The following GREB1L variants were observed in gnomAD, a reference collection of about 807,000 sequenced individuals.
GREB1L encodes GREB1 like retinoic acid receptor coactivator.
In GREB1L, 17 loss-of-function variants were observed where a neutral mutation model predicts 200.8. The ratio of observed to expected loss-of-function variants is 0.08; its 90% CI spans 0.06 to 0.13. The LOEUF is 0.13. Ranked by LOEUF, GREB1L falls within the 10% of genes least tolerant of loss-of-function variation. GREB1L has a pLI of 1.00. For synonymous variants in GREB1L, 789 were observed against 893.0 expected, an observed-to-expected ratio of 0.88 and a Z score of 2.08; for missense variants, 1,657 against 2,367.7, an observed-to-expected ratio of 0.70 and a Z score of 6.23.
chr18:21,286,726 G>C (rs1261084667), intron 1 of GREB1L, among the ~76,000 whole-genome samples: 6 of 152,204 alleles, frequency 3.9e-5, no homozygotes, highest in Non-Finnish European at 7.4e-5. Context: ...GGAGTGCAGT[G>C]ACCTCAAGTG....
intron 7 of GREB1L, among the ~76,000 whole-genome samples, chr18:21,420,264 C>T (rs949226188): frequency 4.8e-4 from 72 of 151,158 alleles, no homozygotes; most frequent in African/African-American, 1.6e-3. Flanking sequence ...CCCAGCTACT[C>T]GGGAGGCTGA....
intron 1 of GREB1L, among the ~76,000 whole-genome samples, chr18:21,260,973 T>TA (rs1467077423): frequency 6.6e-6 from 1 of 151,980 alleles, no homozygotes; most frequent in Non-Finnish European, 1.5e-5. Flanking sequence ...TACCTCGTTT[T>TA]AAAGTTTCTA....
chr18:21,452,346 A>G, intron 14 of GREB1L, 129 bp downstream of exon 14: 3 of 865,780 alleles, frequency 3.5e-6, no homozygotes, highest in Non-Finnish European at 5.2e-6. Context: ...GATTGTCTAC[A>G]TGATAAACCT....
chr18:21,516,977 G>A (rs1213361761), intron 30 of GREB1L, among the ~76,000 whole-genome samples: 1 of 150,600 alleles, frequency 6.6e-6, no homozygotes, highest in Non-Finnish European at 1.5e-5. Flanking sequence ...GGGTTCAAGC[G>A]ATTCTTGTAC....
Position 21,354,686 on chromosome 18 carries a change from T to C in GREB1L, c.-119-11341T>C, listed in dbSNP as rs571699964. 2.0e-4 allele frequency among the ~76,000 whole-genome samples: 31 copies of C among 152,264 alleles called. 1 individual carries two copies. In the South Asian group the frequency reaches 6.0e-3, roughly 30 times the overall value. ...GGAGGGAGTCAAAGATGGCTTCCATTAGGAGCCATGCTTGAGTTGAAATCT... is the reference window on the plus strand; with the variant it reads ...GGAGGGAGTCAAAGATGGCTTCCATCAGGAGCCATGCTTGAGTTGAAATCT... On this transcript the variant is annotated intron_variant, in intron 1 of 32. Coordinates refer to ENST00000424526, the MANE Select transcript of GREB1L (RefSeq NM_001142966.3).
chr18:21,255,572 G>A (rs1346589773), intron 1 of GREB1L, among the ~76,000 whole-genome samples: 2 of 152,098 alleles, frequency 1.3e-5, no homozygotes, highest in East Asian at 1.9e-4. Flanking sequence ...CTAGGAATAG[G>A]CCCTGAGCCA....
chr18:21,513,704 T>G, intron 27 of GREB1L, 117 bp from the exon 28 acceptor site: 2 of 937,084 alleles, frequency 2.1e-6, no homozygotes, highest in Non-Finnish European at 3.2e-6. Flanking sequence ...GGCTCCCACC[T>G]GCATGGTTCC....
intron 1 of GREB1L, among the ~76,000 whole-genome samples, chr18:21,294,256 C>T (rs1054384006): frequency 1.3e-5 from 2 of 151,954 alleles, no homozygotes; most frequent in Admixed American, 6.6e-5. Flanking sequence ...TAGTGGCTAT[C>T]ATTAGATAGC....
At position 21,442,324 on chromosome 18, in the gene GREB1L, C is replaced by G. The variant is rs561991627; in HGVS notation, c.1207+787C>G. On this transcript the variant is annotated intron_variant, in intron 10 of 32. Coordinates refer to ENST00000424526, the MANE Select transcript of GREB1L (RefSeq NM_001142966.3). The stretch of plus-strand genomic sequence containing the variant: ...CACATCTTTAGGGTGTGTTTACATG[C>G]AGTGTTATTTGCTTTTTGGGTTGGC... Among the ~76,000 whole-genome samples the G allele has an allele frequency of 5.3e-5, 8 of 152,274 alleles. No individual in the cohort carries two copies. The East Asian group carries it at 1.5e-3, about 29-fold the overall frequency.
At chr18:21,439,989 C>T (rs1321082759) in intron 8 of GREB1L, among the ~76,000 whole-genome samples, 3 of 152,116 alleles carry the variant, frequency 2.0e-5, no homozygotes, top group Non-Finnish European at 4.4e-5. Flanking sequence ...CAATATTTGC[C>T]CTACAACTCC....
In GREB1L at chr18:21,496,594, G is replaced by C. The variant is rs2036553603; in HGVS notation, c.3287G>C (p.Gly1096Ala). 6.4e-7 allele frequency: 1 copy of C among 1,551,630 alleles called. No individual in the cohort carries two copies. Among genetic ancestry groups the C allele is most frequent in the Non-Finnish European group, 8.7e-7 (1 of 1,147,016 alleles). ...CCCACTGTTGCCCTGGACCTCAGCG[G>C]GAAGGAGCAGGAGAGAGCTGCTGTC... ...RGPTVALDLS[G>A]KEQERAAVSE... Residue 1096 changes from glycine to alanine, a missense_variant, in exon 21 of 33, where the codon GGG (glycine) becomes GCG (alanine). Physicochemically the swap from Gly to Ala is moderately conservative, Grantham distance 60 (BLOSUM62 0). Coordinates refer to ENST00000424526, the MANE Select transcript of GREB1L (RefSeq NM_001142966.3).
chr18:21,425,498 C>G (rs1379394678), intron 7 of GREB1L, among the ~76,000 whole-genome samples: 1 of 152,226 alleles, frequency 6.6e-6, no homozygotes, highest in Admixed American at 6.5e-5. Flanking sequence ...CACCATTTTA[C>G]ATTTCTACCA....
intron 7 of GREB1L, among the ~76,000 whole-genome samples, chr18:21,408,716 C>T (rs1567986076): frequency 6.6e-6 from 1 of 151,514 alleles, no homozygotes; most frequent in Non-Finnish European, 1.5e-5. Flanking sequence ...ATCACTTGAA[C>T]CCGGCAGGTG....
Position 21,516,711 on chromosome 18 carries a change from A to G in GREB1L, c.5228A>G (p.Gln1743Arg). ...NNFSLMKKHVQVGGQRDFIIK... is the reference protein window; with the variant it reads ...NNFSLMKKHVRVGGQRDFIIK... ...TTCAGTCTCATGAAGAAACATGTTC[A>G]GGTTGGAGGGCAAAGGGACTTTATC... Residue 1743 changes from glutamine to arginine, a missense_variant, in exon 30 of 33, where the codon CAG becomes CGG. Around this residue, in one of 9 missense-constraint regions of GREB1L, gnomAD observed 190 missense variants for 230.2 expected, o/e 0.83. Transcript: ENST00000424526. 1 of 1,551,546 alleles carries G rather than the reference A, an allele frequency of 6.4e-7. No individual in the cohort carries two copies. Among genetic ancestry groups the G allele is most frequent in the South Asian group, 1.2e-5 (1 of 84,050 alleles).
At chr18:21,453,657 G>T (rs1410624441) in intron 14 of GREB1L, among the ~76,000 whole-genome samples, 1 of 152,190 alleles carries the variant, frequency 6.6e-6, no homozygotes, top group Non-Finnish European at 1.5e-5. Flanking sequence ...TATGTCACCT[G>T]CTGAGTGGCC....
chr18:21,441,266 A>G, intron 9 of GREB1L, 134 bp from the exon 10 acceptor site: 1 of 757,112 alleles, frequency 1.3e-6, no homozygotes, highest in Non-Finnish European at 1.9e-6. Flanking sequence ...TTTACACAAT[A>G]AACCTAATGA....
In GREB1L at chr18:21,326,935, G is replaced by GT. The variant is rs1425054260; in HGVS notation, c.-119-39084dup. ...TGTCTGCTCTTCTTTTTTTGTTGTT[G>GT]TTTTTTTTCACCTGGCTGTATCAGG... On this transcript the variant is annotated intron_variant, in intron 1 of 32. Coordinates refer to ENST00000424526, the MANE Select transcript of GREB1L (RefSeq NM_001142966.3). 3.8e-4 allele frequency among the ~76,000 whole-genome samples: 57 copies of GT among 151,406 alleles called. 1 individual carries two copies. Among genetic ancestry groups the GT allele is most frequent in the South Asian group, 1.0e-3 (5 of 4,776 alleles).
chr18:21,249,185 G>T (rs1481427), intron 1 of GREB1L, among the ~76,000 whole-genome samples: 10,240 of 151,876 alleles, frequency 0.067, 535 homozygotes, highest in Admixed American at 0.14. Context: ...CAAGGGGTTT[G>T]GGGATCACTT....
intron 7 of GREB1L, among the ~76,000 whole-genome samples, chr18:21,419,049 G>A (rs760808368): frequency 1.1e-4 from 17 of 152,072 alleles, no homozygotes; most frequent in Non-Finnish European, 1.6e-4. Context: ...ATTGCCTATA[G>A]CATTCATATA....
Sources: allele counts gnomAD v4.1 joint callset (sites outside exome capture counted in the v4.1 genomes callset), GRCh38; gene constraint gnomAD v4.1.1; regional missense constraint gnomAD v4.1.1; transcripts MANE v1.5; gene names NCBI Gene and HGNC (gene_info 2026-07-23, HGNC 2026-07-21).